Variants in SLIT2 observed in about 807,000 individuals in gnomAD.
SLIT2 encodes the protein slit homolog 2 protein.
SLIT2 carries 41 observed loss-of-function variants against 185.7 expected under a neutral mutation model. The ratio of observed to expected loss-of-function variants is 0.22; its 90% CI spans 0.17 to 0.29. The LOEUF (loss-of-function observed/expected upper bound fraction) is 0.29. Among genes scored for constraint, SLIT2 ranks in the 10% least tolerant of loss-of-function variants. SLIT2 has a pLI of 1.00. For synonymous variants in SLIT2, 693 were observed against 680.2 expected (o/e 1.02, Z -0.29); for missense variants, 1,571 against 1,909.0 (o/e 0.82, Z 3.30).
At chr4:20,434,570 G>A (rs1228836920) in intron 4 of SLIT2, among the ~76,000 whole-genome samples, 2 of 152,158 alleles carry the variant, frequency 1.3e-5, no homozygotes, top group African/African-American at 4.8e-5. Context: ...ATTAAAACAA[G>A]AAAAGAGTCT....
At chr4:20,591,243 A>C (rs1234624497) in intron 30 of SLIT2, among the ~76,000 whole-genome samples, 1 of 152,170 alleles carries the variant, frequency 6.6e-6, no homozygotes, top group Non-Finnish European at 1.5e-5. Flanking sequence ...GTCGGGATGA[A>C]TTTTATAAGA....
At chr4:20,591,730 T>A (rs1298844453) in intron 30 of SLIT2, among the ~76,000 whole-genome samples, 2 of 151,886 alleles carry the variant, frequency 1.3e-5, no homozygotes, top group Non-Finnish European at 2.9e-5. Context: ...TAAATATCAT[T>A]TCTTAGAGAA....
chr4:20,551,456 TC>T (rs757417697), intron 25 of SLIT2, among the ~76,000 whole-genome samples: 16 of 152,220 alleles, frequency 1.1e-4, no homozygotes, highest in African/African-American at 1.7e-4. Context: ...TGTTTGTACC[TC>T]CATAGTTTTT....
In SLIT2 at chr4:20,315,432, G is replaced by A. The variant is rs76862778; in HGVS notation, c.395+46551G>A. ...ATCTGTGATATCTTAAGTGAGAAAA[G>A]CAAGTAGGCTTGTGATGTGCTTGTT... On this transcript the variant is annotated intron_variant, in intron 4 of 36. Coordinates refer to ENST00000504154, the MANE Select transcript of SLIT2 (RefSeq NM_004787.4). 2.7e-4 allele frequency among the ~76,000 whole-genome samples: 41 copies of A among 152,220 alleles called. 1 individual carries two copies. The East Asian group carries it at 3.1e-3, about 11-fold the overall frequency.
intron 36 of SLIT2, 63 bp downstream of exon 36, chr4:20,617,713 A>C: frequency 3.8e-6 from 4 of 1,042,822 alleles, no homozygotes; most frequent in Non-Finnish European, 4.2e-6. Context: ...CATGTCTTTG[A>C]AAAGAGAGGG....
intron 4 of SLIT2, among the ~76,000 whole-genome samples, chr4:20,348,416 T>TTG: frequency 6.6e-6 from 1 of 150,968 alleles, no homozygotes; most frequent in South Asian, 2.1e-4. Context: ...TTTTTTTTTT[T>TTG]AATATATTTT....
In SLIT2 at chr4:20,337,207, T is replaced by TA. The variant is rs535845591; in HGVS notation, c.395+68327dup. On this transcript the variant is annotated intron_variant, in intron 4 of 36. Coordinates refer to ENST00000504154, the MANE Select transcript of SLIT2 (RefSeq NM_004787.4). ...TACAGGAAAAAGGGTTTAATGGACT[T>TA]ACAGTTCCCCGTGGCTGGGAAGGCC... 7.2e-5 allele frequency among the ~76,000 whole-genome samples: 11 copies of TA among 152,250 alleles called. No homozygotes were observed. In the South Asian group the frequency reaches 1.9e-3, roughly 26 times the overall value.
At chr4:20,581,060 G>C (rs187465325) in intron 29 of SLIT2, among the ~76,000 whole-genome samples, 1 of 152,266 alleles carries the variant, frequency 6.6e-6, no homozygotes, top group Admixed American at 6.5e-5. Context: ...GTTTTGCTAG[G>C]GCTGCCATAA....
chr4:20,418,834 TAAAAG>T (rs2109455719), intron 4 of SLIT2, among the ~76,000 whole-genome samples: 2 of 152,240 alleles, frequency 1.3e-5, no homozygotes, highest in South Asian at 4.1e-4. Context: ...GATATCAAAT[TAAAAG>T]AGAGAAAACA....
intron 1 of SLIT2, chr4:20,255,163 G>C (rs1711672532): frequency 5.0e-6 from 2 of 403,652 alleles, no homozygotes. Flanking sequence ...GTCTGGATTC[G>C]TCCCGCGGCC....
chr4:20,534,872 T>C (rs1234310177), intron 18 of SLIT2, among the ~76,000 whole-genome samples: 1 of 152,146 alleles, frequency 6.6e-6, no homozygotes, highest in African/African-American at 2.4e-5. Context: ...AGAAGTGCAT[T>C]CCTTGAGTTT....
Position 20,595,789 on chromosome 4 carries a change from C to T in SLIT2, c.3275C>T (p.Thr1092Ile), listed in dbSNP as rs186275040. The change falls in exon 31 of 37, where the codon ACA (threonine) becomes ATA (isoleucine). Residue 1092 changes from threonine (T) to isoleucine (I), a missense_variant. Coordinates refer to ENST00000504154, the MANE Select transcript of SLIT2 (RefSeq NM_004787.4). The part of the protein sequence containing the change: ...DNKCKNGAHC[T>I]DAVNGYTCIC... Reference sequence around the variant, plus strand: ...AAGTGTAAAAACGGAGCCCACTGCACAGATGCAGTGAACGGCTATACGTGC... The same window carrying T: ...AAGTGTAAAAACGGAGCCCACTGCATAGATGCAGTGAACGGCTATACGTGC... 9.9e-6 allele frequency: 16 copies of T among 1,614,034 alleles called. No individual in the cohort carries two copies. In the African/African-American group the frequency reaches 1.7e-4, roughly 17 times the overall value.
At chr4:20,508,403 T>C (rs914290844) in intron 9 of SLIT2, among the ~76,000 whole-genome samples, 1 of 152,024 alleles carries the variant, frequency 6.6e-6, no homozygotes, top group African/African-American at 2.4e-5. Context: ...CACTAATATA[T>C]ACATGTCCAA....
intron 4 of SLIT2, among the ~76,000 whole-genome samples, chr4:20,271,549 T>G (rs150560362): frequency 0.011 from 1,583 of 148,894 alleles, 8 homozygotes; most frequent in Non-Finnish European, 0.016. Flanking sequence ...AGTAGAGGCA[T>G]ACTATATGCA....
intron 26 of SLIT2, among the ~76,000 whole-genome samples, chr4:20,560,409 C>T (rs994698952): frequency 2.0e-5 from 3 of 151,686 alleles, no homozygotes; most frequent in Non-Finnish European, 4.4e-5. Context: ...AATAAATGAA[C>T]AGGAAGAAAT....
At chr4:20,265,755 G>A (rs1440158780) in intron 3 of SLIT2, among the ~76,000 whole-genome samples, 1 of 151,614 alleles carries the variant, frequency 6.6e-6, no homozygotes, top group East Asian at 1.9e-4. Context: ...AAACTTTGTT[G>A]TATTTACAAT....
At chr4:20,312,714 A>C (rs902105790) in intron 4 of SLIT2, among the ~76,000 whole-genome samples, 17 of 148,306 alleles carry the variant, frequency 1.1e-4, no homozygotes, top group Admixed American at 3.4e-4. Flanking sequence ...TGGAGGTTGC[A>C]GTGAGCTGAG....
At chr4:20,258,654 G>T (rs971671977) in intron 3 of SLIT2, among the ~76,000 whole-genome samples, 2 of 151,614 alleles carry the variant, frequency 1.3e-5, no homozygotes, top group African/African-American at 2.4e-5. Flanking sequence ...GTATATATCT[G>T]CAAAAGACAA....
rs144700992 is a variant in SLIT2, at chr4:20,587,350, A to G, written c.3089-2294A>G. Reference sequence around the variant, plus strand: ...AAATCATTTTTGACGTTGTCAACCTATCTTACTAAGGTCAGGTGTATAGCT... The same window carrying G: ...AAATCATTTTTGACGTTGTCAACCTGTCTTACTAAGGTCAGGTGTATAGCT... On this transcript the variant is annotated intron_variant, in intron 29 of 36. Transcript: ENST00000504154. 9.5e-4 allele frequency among the ~76,000 whole-genome samples: 145 copies of G among 152,258 alleles called. 1 individual carries two copies. The highest frequency in any genetic ancestry group is 3.2e-3 in the African/African-American group (132 of 41,556).
Sources: gnomAD v4.1 joint callset for allele counts (sites outside exome capture counted in the v4.1 genomes callset) on GRCh38, gnomAD v4.1.1 for gene constraint, MANE v1.5 for transcripts, NCBI Gene and HGNC (gene_info 2026-07-23, HGNC 2026-07-21) for gene names.